MDM2: variants seen among roughly 807,000 people sequenced by gnomAD.
The protein encoded by MDM2 is E3 ubiquitin-protein ligase Mdm2.
In MDM2, 11 loss-of-function variants were observed where a neutral mutation model predicts 64.3. The ratio of observed to expected loss-of-function variants is 0.17; its 90% CI spans 0.11 to 0.28. The LOEUF is 0.28. Ranked by LOEUF, MDM2 falls within the 10% of genes least tolerant of loss-of-function variation. MDM2 has a pLI of 1.00. For missense variants in MDM2, 388 were observed against 577.1 expected (o/e 0.67, Z 3.36); for synonymous variants, 194 against 192.9 (o/e 1.01, Z -0.05).
At chr12:68,810,039 C>T (rs1270547417) in intron 2 of MDM2, among the ~76,000 whole-genome samples, 2 of 152,122 alleles carry the variant, frequency 1.3e-5, no homozygotes, top group Non-Finnish European at 2.9e-5. Flanking sequence ...AGGCTGGCCT[C>T]GGTGGCTCAC....
chr12:68,815,692 C>A, intron 3 of MDM2: 1 of 402,802 alleles, frequency 2.5e-6, no homozygotes, highest in South Asian at 1.7e-5. Flanking sequence ...ATCTGCTTAC[C>A]TCGGCCTCCT....
intron 8 of MDM2, among the ~76,000 whole-genome samples, chr12:68,834,874 C>T (rs1724354370): frequency 6.6e-6 from 1 of 152,100 alleles, no homozygotes; most frequent in Non-Finnish European, 1.5e-5. Flanking sequence ...CTACCCTTAG[C>T]CACTGACAGC....
At chr12:68,817,059 C>G (rs1307179967) in intron 4 of MDM2, 114 bp downstream of exon 4, 7 of 1,252,734 alleles carry the variant, frequency 5.6e-6, no homozygotes. Context: ...TAAAGACATG[C>G]TGAAACTTAA....
intron 8 of MDM2, among the ~76,000 whole-genome samples, chr12:68,834,247 G>A (rs2136164678): frequency 6.6e-6 from 1 of 152,170 alleles, no homozygotes; most frequent in East Asian, 1.9e-4. Flanking sequence ...TTCGAGACCA[G>A]CCCAGCCAAC....
chr12:68,839,174 A>G (rs979176809), intron 10 of MDM2, 100 bp from the exon 11 acceptor site: 6 of 1,027,390 alleles, frequency 5.8e-6, no homozygotes, highest in African/African-American at 3.2e-5. Context: ...ATTGAGCCCT[A>G]TGATATACTT....
rs1331561788 is a variant in MDM2 at position 68,835,720 on chromosome 12, A to G, written c.685-109A>G. On this transcript the variant is annotated intron_variant, in intron 8 of 10. Coordinates refer to ENST00000258149, the MANE Select transcript of MDM2 (RefSeq NM_002392.6). ...GATCAGAGCAGCAGGCCCATCCCCC[A>G]ACTGTTACACCCTGCTGGCAGCAGC... is the stretch of plus-strand genomic sequence containing the variant. 3.7e-6 allele frequency: 4 copies of G among 1,070,716 alleles called. No homozygotes were observed. The African/African-American group carries it at 6.4e-5, about 17-fold the overall frequency. The allele number at this position is 1,070,716 out of a possible 1,614,324, so 66.3% of individuals were successfully genotyped here.
intron 8 of MDM2, among the ~76,000 whole-genome samples, chr12:68,831,641 A>C (rs1592592650): frequency 6.6e-6 from 1 of 152,210 alleles, no homozygotes; most frequent in Admixed American, 6.5e-5. Context: ...TGGAGCTACG[A>C]AAAACCTTCC....
Position 68,816,847 on chromosome 12 carries a change from A to G in MDM2, c.210A>G (p.Lys70=). Residue 70 remains lysine, a synonymous_variant, in exon 4 of 11, where the codon AAA becomes AAG. Transcript: ENST00000258149. ...ATCTTGGCCAGTATATTATGACTAA[A>G]CGATTATATGATGAGAAGCAACAAC... ...LFYLGQYIMT[K]RLYDEKQQHI... 1 of 1,609,152 alleles carries G rather than the reference A, an allele frequency of 6.2e-7. No individual in the cohort carries two copies. Among genetic ancestry groups the G allele is most frequent in the East Asian group, 2.2e-5 (1 of 44,720 alleles).
intron 2 of MDM2, among the ~76,000 whole-genome samples, chr12:68,811,002 A>C (rs1880841664): frequency 6.6e-6 from 1 of 151,984 alleles, no homozygotes; most frequent in South Asian, 2.1e-4. Flanking sequence ...AGTAGCTGGG[A>C]TTACAGGCAT....
At chr12:68,817,323 T>C (rs973938370) in intron 4 of MDM2, among the ~76,000 whole-genome samples, 6 of 152,262 alleles carry the variant, frequency 3.9e-5, no homozygotes, top group Non-Finnish European at 5.9e-5. Flanking sequence ...GTAGCTATTA[T>C]AACTTTTTAT....
At chr12:68,824,847 C>T in intron 7 of MDM2, 196 bp downstream of exon 7, 1 of 550,664 alleles carries the variant, frequency 1.8e-6, no homozygotes, top group Non-Finnish European at 3.2e-6. Context: ...CTGACTACAG[C>T]AGGCACAGTT....
chr12:68,813,961 C>T (rs865942752), intron 3 of MDM2, among the ~76,000 whole-genome samples: 4 of 152,130 alleles, frequency 2.6e-5, no homozygotes, highest in African/African-American at 9.7e-5. Flanking sequence ...TACTAAAATA[C>T]GGTTACCAAA....
chr12:68,808,597 T>TGGCTGGG, intron 1 of MDM2, 106 bp downstream of exon 1: 1 of 1,523,712 alleles, frequency 6.6e-7, no homozygotes, highest in Non-Finnish European at 8.9e-7. Context: ...GTGCGGTTCG[T>TGGCTGGG]GGCTGGGGGC....
chr12:68,813,583 A>G lies in MDM2; in HGVS notation c.129A>G (p.Leu43=). 6.2e-7 allele frequency: 1 copy of G among 1,613,682 alleles called. No individual in the cohort carries two copies. Among genetic ancestry groups the G allele is most frequent in the Non-Finnish European group, 8.5e-7 (1 of 1,179,770 alleles). ...LVRPKPLLLK[L]LKSVGAQKDT... ...GACCAAAGCCATTGCTTTTGAAGTTATTAAAGTCTGTTGGTGCACAAAAAG... is the reference window on the plus strand; with the variant it reads ...GACCAAAGCCATTGCTTTTGAAGTTGTTAAAGTCTGTTGGTGCACAAAAAG... Residue 43 remains leucine (L), a synonymous_variant, in exon 3 of 11, where the codon TTA becomes TTG. Transcript: ENST00000258149.
intron 5 of MDM2, among the ~76,000 whole-genome samples, chr12:68,824,000 T>C (rs1882090627): frequency 6.6e-6 from 1 of 152,202 alleles, no homozygotes; most frequent in Admixed American, 6.5e-5. Flanking sequence ...TGGCGTTTTC[T>C]TGGTCTGGAA....
chr12:68,840,505 T>A lies in MDM2; in HGVS notation c.*656T>A, dbSNP rs1883674426. 1 of 188,776 alleles carries A rather than the reference T, an allele frequency of 5.3e-6. No individual in the cohort carries two copies. Among genetic ancestry groups the A allele is most frequent in the African/African-American group, 2.5e-5 (1 of 39,512 alleles). 11.7% of individuals were successfully genotyped at this position (188,776 alleles called of 1,614,324 possible). ...TGTGTGAAAGATTTAGTTTTTTGTT[T>A]TTTTGTTTGTTTGTTTGTTTGTTTG... On this transcript the variant is annotated 3_prime_UTR_variant, in exon 11 of 11. Transcript: ENST00000258149.
Position 68,825,127 on chromosome 12 carries a change from TCAA to T in MDM2, c.523+478_523+480del, listed in dbSNP as rs1305948458. 3.4e-4 allele frequency among the ~76,000 whole-genome samples: 52 copies of T among 152,260 alleles called. 1 individual carries two copies. The highest frequency in any genetic ancestry group is 1.2e-3 in the African/African-American group (51 of 41,556). On this transcript the variant is annotated intron_variant, in intron 7 of 10. Coordinates refer to ENST00000258149, the MANE Select transcript of MDM2 (RefSeq NM_002392.6). ...AGGAGGTTGAGGAAGGAGAATCACT[TCAA>T]CCCGGGAGGTAGAAGTTACAGTGAG... is the stretch of plus-strand genomic sequence containing the variant.
intron 5 of MDM2, among the ~76,000 whole-genome samples, chr12:68,822,775 CTG>C (rs1001299163): frequency 4.6e-5 from 7 of 150,662 alleles, no homozygotes; most frequent in African/African-American, 1.5e-4. Flanking sequence ...GAGTCTCACT[CTG>C]TCACCCAGGC....
intron 1 of MDM2, chr12:68,808,905 A>G: frequency 1.5e-6 from 2 of 1,360,898 alleles, no homozygotes; most frequent in East Asian, 5.7e-5. Flanking sequence ...AGGTTGACTC[A>G]GCTTTTCCTC....
Sources: gnomAD v4.1 joint callset for allele counts (sites outside exome capture counted in the v4.1 genomes callset) on GRCh38, gnomAD v4.1.1 for gene constraint, MANE v1.5 for transcripts, NCBI Gene and HGNC (gene_info 2026-07-23, HGNC 2026-07-21) for gene names.